The following CACNA1G variants were observed in gnomAD, a reference collection of about 807,000 sequenced individuals.
The protein encoded by CACNA1G is calcium voltage-gated channel subunit alpha1 G, also known as voltage-dependent T-type calcium channel subunit alpha-1G.
A neutral mutation model predicts 219.4 loss-of-function variants in CACNA1G; 67 were observed. The ratio of observed to expected loss-of-function variants is 0.31; its 90% CI spans 0.25 to 0.37. The LOEUF (loss-of-function observed/expected upper bound fraction) is 0.37. Among genes scored for constraint, CACNA1G ranks in the 10% least tolerant of loss-of-function variants. CACNA1G has a pLI of 1.00. For synonymous variants in CACNA1G, 1,296 were observed against 1,345.3 expected, an observed-to-expected ratio of 0.96 and a Z score of 0.80; for missense variants, 2,380 against 3,231.4, an observed-to-expected ratio of 0.74 and a Z score of 6.39.
intron 24 of CACNA1G, 165 bp downstream of exon 24, chr17:50,607,154 T>C: frequency 1.4e-6 from 1 of 694,142 alleles, no homozygotes; most frequent in Non-Finnish European, 2.6e-6. Flanking sequence ...CTGGGCATGT[T>C]TTATTGGTCT....
intron 34 of CACNA1G, among the ~76,000 whole-genome samples, chr17:50,620,666 G>A (rs2051640974): frequency 6.6e-6 from 1 of 152,186 alleles, no homozygotes; most frequent in African/African-American, 2.4e-5. Flanking sequence ...GTCCTCCAGA[G>A]GCCCTTTTGG....
In CACNA1G at chr17:50,601,062, T is replaced by C; in HGVS notation, c.3803T>C (p.Leu1268Pro). Residue 1268 changes from leucine to proline, a missense_variant, in exon 19 of 38, where the codon CTG (leucine) becomes CCG (proline). Leu to Pro is a moderately conservative substitution (Grantham distance 98). Transcript: ENST00000359106. ...IFPPQSRFRL[L>P]CHRIITHKMF... The stretch of plus-strand genomic sequence containing the variant: ...CCATGCCTGGGCAGGTTCCGCCTCC[T>C]GTGTCACCGGATCATCACCCACAAG... 1 of 1,613,806 alleles carries C rather than the reference T, an allele frequency of 6.2e-7. No homozygotes were observed. The highest frequency in any genetic ancestry group is 8.5e-7 in the Non-Finnish European group (1 of 1,179,784).
intron 7 of CACNA1G, among the ~76,000 whole-genome samples, chr17:50,574,051 T>G (rs2040048551): frequency 6.6e-6 from 1 of 152,206 alleles, no homozygotes; most frequent in Non-Finnish European, 1.5e-5. Context: ...CTGTAACATC[T>G]GCTGCCTGTT....
Position 50,617,718 on chromosome 17 carries a change from C to T in CACNA1G, c.5156-141C>T. On this transcript the variant is annotated intron_variant, in intron 29 of 37. Transcript: ENST00000359106. The surrounding 1 kb of genome is among the most constrained non-coding windows in gnomAD (Gnocchi z 5.8). ...AGCTTCTGCCAAGGGAGGCTGGAGACAGGGCTGAGGATGGGGATGCAACCT... is the reference window on the plus strand; with the variant it reads ...AGCTTCTGCCAAGGGAGGCTGGAGATAGGGCTGAGGATGGGGATGCAACCT... 2 of 1,429,056 alleles carry T rather than the reference C, an allele frequency of 1.4e-6. No individual in the cohort carries two copies. Among genetic ancestry groups the T allele is most frequent in the South Asian group, 2.5e-5 (2 of 79,096 alleles). 88.5% of individuals were successfully genotyped at this position (1,429,056 alleles called of 1,614,324 possible).
At chr17:50,623,846 C>T in intron 35 of CACNA1G, 61 bp from the exon 36 acceptor site, 5 of 1,549,294 alleles carry the variant, frequency 3.2e-6, no homozygotes, top group Non-Finnish European at 4.4e-6. Flanking sequence ...TCAGCGCTGC[C>T]TCAGTTACCA....
chr17:50,580,416 G>T (rs1472985670), intron 9 of CACNA1G, among the ~76,000 whole-genome samples: 3 of 152,076 alleles, frequency 2.0e-5, no homozygotes, highest in Non-Finnish European at 4.4e-5. Context: ...CACCTCCCCA[G>T]TGCCCCCTCC....
chr17:50,618,505 C>A lies in CACNA1G; in HGVS notation c.5428-150C>A, dbSNP rs1039946649. The A allele has an allele frequency of 4.6e-6, 5 of 1,076,352 alleles. No individual in the cohort carries two copies. In the African/African-American group the frequency reaches 7.7e-5, roughly 17 times the overall value. The allele number at this position is 1,076,352 out of a possible 1,614,324, so 66.7% of individuals were successfully genotyped here. On this transcript the variant is annotated intron_variant, in intron 32 of 37. Coordinates refer to ENST00000359106, the MANE Select transcript of CACNA1G (RefSeq NM_018896.5). The surrounding 1 kb of genome is among the most constrained non-coding windows in gnomAD (Gnocchi z 5.3). ...TCTCCCAGGAACATGCTCTGACTCA[C>A]ACTTGTAGTGCTCCTCTGCCCCCAA...
intron 14 of CACNA1G, among the ~76,000 whole-genome samples, chr17:50,595,476 C>G (rs2045345824): frequency 6.6e-6 from 1 of 152,278 alleles, no homozygotes; most frequent in Admixed American, 6.5e-5. Context: ...TCTCCCACCC[C>G]TTCACCCCTT....
chr17:50,590,713 T>G (rs1044915801), intron 10 of CACNA1G, 91 bp downstream of exon 10: 1 of 1,228,686 alleles, frequency 8.1e-7, no homozygotes, highest in Non-Finnish European at 1.1e-6. Flanking sequence ...TCCCCTGGGG[T>G]GGAGGGGTCT....
intron 1 of CACNA1G, 137 bp from the exon 2 acceptor site, chr17:50,568,733 G>C (rs2038602547): frequency 1.4e-6 from 1 of 710,658 alleles, no homozygotes; most frequent in Non-Finnish European, 2.5e-6. Context: ...TGGTCTGCGT[G>C]TATGTCAGGG....
intron 35 of CACNA1G, among the ~76,000 whole-genome samples, chr17:50,622,620 T>A (rs2052436995): frequency 6.6e-6 from 1 of 152,110 alleles, no homozygotes; most frequent in Non-Finnish European, 1.5e-5. Context: ...TGGCTGGGCC[T>A]GCATGGCGAC....
At chr17:50,615,652 T>G in intron 27 of CACNA1G, 140 bp downstream of exon 27, 1 of 827,326 alleles carries the variant, frequency 1.2e-6, no homozygotes, top group Non-Finnish European at 1.8e-6. Context: ...TTGTGCCCCT[T>G]GGAGGTGGGT....
At position 50,627,145 on chromosome 17, in the gene CACNA1G, T is replaced by C. The variant is rs1170058788; in HGVS notation, c.*394T>C. ...TACTTTTATGTGTCTCAGAATATTT[T>C]TGAGGCGAAGGCGTCTGTCTCTTGG... On this transcript the variant is annotated 3_prime_UTR_variant, in exon 38 of 38. Coordinates refer to ENST00000359106, the MANE Select transcript of CACNA1G (RefSeq NM_018896.5). The C allele has an allele frequency of 6.5e-6, 3 of 459,510 alleles. 1 individual carries two copies. The highest frequency in any genetic ancestry group is 3.1e-5 in the South Asian group (2 of 64,520). 28.5% of individuals were successfully genotyped at this position (459,510 alleles called of 1,614,324 possible).
At chr17:50,564,924 C>T (rs2037235256) in intron 1 of CACNA1G, among the ~76,000 whole-genome samples, 2 of 152,252 alleles carry the variant, frequency 1.3e-5, no homozygotes, top group South Asian at 4.1e-4. Flanking sequence ...GTCACACACA[C>T]ATTCCTTCCC....
rs201149829 is a variant in CACNA1G at position 50,596,617 on chromosome 17, G to A, written c.3035G>A (p.Gly1012Asp). 391 of 1,613,868 alleles carry A rather than the reference G, an allele frequency of 2.4e-4. No individual in the cohort carries two copies. Among genetic ancestry groups the A allele is most frequent in the Non-Finnish European group, 3.2e-4 (378 of 1,179,870 alleles). ...EPDFFSPSLD[G>D]DGDRKKCLAL... is the part of the protein sequence containing the mutation. ...GATTTCTTCTCACCCAGCCTGGATG[G>A]TGATGGGGACAGGAAGAAGTGCTTG... is the stretch of plus-strand genomic sequence containing the variant. Residue 1012 changes from glycine (G) to aspartate (D), a missense_variant, in exon 15 of 38, where the codon GGT becomes GAT. Physicochemically the swap from Gly to Asp is moderately conservative, Grantham distance 94. Transcript: ENST00000359106. This position sits in a 1 kb window ranked among gnomAD's most constrained non-coding sequence, Gnocchi z 4.8.
At chr17:50,598,704 A>T (rs1249155802) in intron 16 of CACNA1G, among the ~76,000 whole-genome samples, 1 of 152,130 alleles carries the variant, frequency 6.6e-6, no homozygotes, top group Non-Finnish European at 1.5e-5. Context: ...GTGATTAGTG[A>T]CGTTGAGCAT....
chr17:50,625,613 C>T (rs539097142), intron 37 of CACNA1G, among the ~76,000 whole-genome samples: 5 of 152,190 alleles, frequency 3.3e-5, no homozygotes, highest in African/African-American at 9.6e-5. Flanking sequence ...TCCGTAAAAT[C>T]GAGGGATTCT....
chr17:50,577,222 G>T (rs2040876667), intron 8 of CACNA1G, among the ~76,000 whole-genome samples: 1 of 152,128 alleles, frequency 6.6e-6, no homozygotes, highest in Non-Finnish European at 1.5e-5. Context: ...GCAAGGCTGG[G>T]CCCATAATTA....
chr17:50,613,821 G>A (rs925445456), intron 26 of CACNA1G, among the ~76,000 whole-genome samples: 1 of 151,922 alleles, frequency 6.6e-6, no homozygotes, highest in African/African-American at 2.4e-5. Flanking sequence ...GAAGAGGCCC[G>A]GCCCACCCGG....
Sources: gnomAD v4.1 joint callset for allele counts (sites outside exome capture counted in the v4.1 genomes callset) on GRCh38, gnomAD v4.1.1 for gene constraint, Gnocchi (gnomAD v3.1) non-coding constraint, MANE v1.5 for transcripts, NCBI Gene and HGNC (gene_info 2026-07-23, HGNC 2026-07-21) for gene names.